The following MST1R variants were observed in gnomAD, a reference collection of about 807,000 sequenced individuals.
MST1R encodes macrophage-stimulating protein receptor.
MST1R carries 99 observed loss-of-function variants against 117.8 expected under a neutral mutation model. The observed-to-expected ratio is 0.84, with a 90% confidence interval of 0.71 to 0.99. MST1R has a LOEUF of 0.99. Ranked by LOEUF, MST1R falls within the 50% of genes least tolerant of loss-of-function variation. The probability of loss-of-function intolerance (pLI) is 0.00; values close to 1 mark genes in which losing one functional copy is unlikely to be tolerated. For missense variants in MST1R, 1,683 were observed against 1,840.2 expected, an observed-to-expected ratio of 0.91 and a Z score of 1.56; for synonymous variants, 734 against 765.3, an observed-to-expected ratio of 0.96 and a Z score of 0.68.
rs201805638 is a variant in MST1R at position 49,902,679 on chromosome 3, C to G, written c.931G>C (p.Ala311Pro). The G allele has an allele frequency of 6.2e-7, 1 of 1,612,838 alleles. No homozygotes were observed. Among genetic ancestry groups the G allele is most frequent in the Admixed American group, 1.7e-5 (1 of 60,026 alleles). The change falls in exon 1 of 20, where the codon GCC (alanine) becomes CCC (proline). Residue 311 changes from alanine (A) to proline (P), a missense_variant. By Grantham distance (27) the Ala-to-Pro change is conservative. Coordinates refer to ENST00000296474, the MANE Select transcript of MST1R (RefSeq NM_002447.4). Reference sequence around the variant, plus strand: ...GGGTAGGGCTGTCCGCCTTCTGGGGCCCCCCGGCGCCTGCGTTTTGGAGCA... The same window carrying G: ...GGGTAGGGCTGTCCGCCTTCTGGGGGCCCCCGGCGCCTGCGTTTTGGAGCA... The part of the protein sequence containing the change: ...RFAPKRRRRG[A>P]PEGGQPYPVL...
Position 49,902,377 on chromosome 3 carries a change from T to G in MST1R, c.1230+3A>C. On this transcript the variant is annotated splice_donor_region_variant and intron_variant, in intron 1 of 19. Transcript: ENST00000296474. ...CAAGTAAGGGCCCCTTCTTTCAGCT[T>G]ACCGGGTTGGGGCAAAAACTGGGCG... The G allele has an allele frequency of 6.2e-7, 1 of 1,612,378 alleles. No homozygotes were observed. The highest frequency in any genetic ancestry group is 8.5e-7 in the Non-Finnish European group (1 of 1,179,222).
Position 49,896,403 on chromosome 3 carries a change from C to T in MST1R, c.2441G>A (p.Cys814Tyr). 1.9e-6 allele frequency: 3 copies of T among 1,612,880 alleles called. No individual in the cohort carries two copies. Among genetic ancestry groups the T allele is most frequent in the Non-Finnish European group, 1.7e-6 (2 of 1,179,572 alleles). Residue 814 changes from cysteine (C) to tyrosine (Y), a missense_variant and splice_region_variant, in exon 10 of 20, where the codon TGT becomes TAT. Transcript: ENST00000296474. ...HDGLRAVESR[C>Y]ERQLPEQQLC... ...CTGCTGCTCTGGAAGCTGCCTCTCA[C>T]ACTGCTGGGACCAATATGAGAGTGA...
intron 14 of MST1R, among the ~76,000 whole-genome samples, chr3:49,894,523 G>A (rs1426716318): frequency 1.3e-5 from 2 of 152,092 alleles, no homozygotes; most frequent in East Asian, 3.9e-4. Context: ...AGCCATGATT[G>A]TGCCATTGCA....
Position 49,891,289 on chromosome 3 carries a change from G to A in MST1R, c.3552C>T (p.Asp1184=). ...RSPQRNPTVK[D]LISFGLQVAR... ...CTACCTGCAGGCCAAAGCTGATGAG[G>A]TCCTTCACGGTGGGGTTCTGGGGGC... Residue 1184 remains aspartate, a synonymous_variant, in exon 17 of 20, where the codon GAC becomes GAT. Transcript: ENST00000296474. The A allele has an allele frequency of 6.2e-7, 1 of 1,614,156 alleles. No homozygotes were observed. Among genetic ancestry groups the A allele is most frequent in the Non-Finnish European group, 8.5e-7 (1 of 1,180,032 alleles).
At chr3:49,901,939 T>C (rs937095529) in intron 1 of MST1R, among the ~76,000 whole-genome samples, 3 of 1,932 alleles carry the variant, frequency 1.6e-3, no homozygotes, top group Admixed American at 6.0e-3. Flanking sequence ...GTGGTGGTGG[T>C]GGCGGGGGTG....
At position 49,893,280 on chromosome 3, in the gene MST1R, AAAATAAATAAATAAATAAAT is replaced by A. The variant is rs59923845; in HGVS notation, c.3272-1462_3272-1443del. ...GGTGACAGAGTGAGGTTCTGTCTCA[AAAATAAATAAATAAATAAAT>A]AAATAAATAAATAAATAAATAGGCT... On this transcript the variant is annotated intron_variant, in intron 14 of 19. Transcript: ENST00000296474. Among the ~76,000 whole-genome samples the A allele has an allele frequency of 3.8e-4, 54 of 140,684 alleles. 1 individual carries two copies. Among genetic ancestry groups the A allele is most frequent in the Non-Finnish European group, 6.3e-4 (41 of 65,196 alleles). The allele number at this position is 140,684 out of a possible 152,430, so 92.3% of individuals were successfully genotyped here.
Position 49,897,269 on chromosome 3 carries a change from G to A in MST1R, c.2183+11C>T, listed in dbSNP as rs750663277. 1.3e-6 allele frequency: 2 copies of A among 1,594,496 alleles called. No individual in the cohort carries two copies. Among genetic ancestry groups the A allele is most frequent in the African/African-American group, 2.7e-5 (2 of 74,350 alleles). ...CCCTGCGGCCTCCCATGCCTGCCTG[G>A]TGGTACTTACCGTGCTAGCAGACAC... On this transcript the variant is annotated intron_variant, in intron 7 of 19. Coordinates refer to ENST00000296474, the MANE Select transcript of MST1R (RefSeq NM_002447.4).
At chr3:49,902,142 G>C (rs1240481680) in intron 1 of MST1R, among the ~76,000 whole-genome samples, 1 of 152,120 alleles carries the variant, frequency 6.6e-6, no homozygotes, top group South Asian at 2.1e-4. Flanking sequence ...GGGCAGGTAG[G>C]GGAAAGAGCA....
At position 49,897,566 on chromosome 3, in the gene MST1R, T is replaced by C. The variant is rs1424842087; in HGVS notation, c.2000A>G (p.His667Arg). 1 of 1,614,078 alleles carries C rather than the reference T, an allele frequency of 6.2e-7. No individual in the cohort carries two copies. The highest frequency in any genetic ancestry group is 1.7e-5 in the Admixed American group (1 of 60,030). ...LTVTNMPPGK[H>R]FRVDGTSVLR... ...CACGGAGGTGCCGTCTACCCGGAAG[T>C]GCTTGCCCGGTGGCATGTTAGTCAC... Residue 667 changes from histidine (H) to arginine (R), a missense_variant, in exon 6 of 20, where the codon CAC becomes CGC. Physicochemically the swap from His to Arg is conservative, Grantham distance 29. Transcript: ENST00000296474.
chr3:49,896,955 G>A (rs1188370764), intron 7 of MST1R, 65 bp from the exon 8 acceptor site: 2 of 1,437,586 alleles, frequency 1.4e-6, no homozygotes, highest in Non-Finnish European at 1.8e-6. Context: ...ACTTCTTCCA[G>A]GGGCCTGTTG....
chr3:49,899,108 T>A lies in MST1R; in HGVS notation c.1386A>T (p.Ala462=). The change falls in exon 2 of 20, where the codon GCA becomes GCT. Residue 462 remains alanine (A), a synonymous_variant. Transcript: ENST00000296474. ...TACGCCCATCCATTGTGCCCATGTG[T>A]GCCACTGTGACGTTGTCAAGGCGTG... ...YVTRLDNVTV[A]HMGTMDGRIL... 1 of 1,614,132 alleles carries A rather than the reference T, an allele frequency of 6.2e-7. No individual in the cohort carries two copies. The highest frequency in any genetic ancestry group is 1.1e-5 in the South Asian group (1 of 91,088).
At chr3:49,889,635 C>G (rs1022266894) in intron 19 of MST1R, among the ~76,000 whole-genome samples, 7 of 152,064 alleles carry the variant, frequency 4.6e-5, no homozygotes, top group African/African-American at 1.7e-4. Context: ...GAAAGCAGAC[C>G]CCGTTAGTGG....
Position 49,898,885 on chromosome 3 carries a change from G to A in MST1R, c.1530C>T (p.Leu510=). The A allele has an allele frequency of 6.2e-7, 1 of 1,614,140 alleles. No individual in the cohort carries two copies. Among genetic ancestry groups the A allele is most frequent in the Non-Finnish European group, 8.5e-7 (1 of 1,180,038 alleles). ...RDVSRLGDHL[L]FASGDQVFQV... ...ACCTCACCTGGTCCCCAGAGGCAAA[G>A]AGTAGGTGGTCCCCAAGACGACTGA... Residue 510 remains leucine, a synonymous_variant, in exon 3 of 20, where the codon CTC becomes CTT. Coordinates refer to ENST00000296474, the MANE Select transcript of MST1R (RefSeq NM_002447.4).
intron 4 of MST1R, 24 bp downstream of exon 4, chr3:49,898,494 T>A (rs761285184): frequency 6.2e-7 from 1 of 1,610,656 alleles, no homozygotes; most frequent in Non-Finnish European, 8.5e-7. Context: ...CACTCTTACC[T>A]GTGCCCTGCC....
Position 49,897,501 on chromosome 3 carries a change from CA to C in MST1R, c.2046+18del. The stretch of plus-strand genomic sequence containing the variant: ...ACCATGCACTGGCCAAGGGCACAGA[CA>C]GGGCAAGGTAGCCTCACCATGAAAG... On this transcript the variant is annotated intron_variant, in intron 6 of 19. Transcript: ENST00000296474. 6.2e-7 allele frequency: 1 copy of C among 1,611,698 alleles called. No individual in the cohort carries two copies. Among genetic ancestry groups the C allele is most frequent in the Admixed American group, 1.7e-5 (1 of 59,862 alleles).
rs201211696 is a variant in MST1R, at chr3:49,902,775, G to A, written c.835C>T (p.Arg279Cys). 10 of 1,613,920 alleles carry A rather than the reference G, an allele frequency of 6.2e-6. No individual in the cohort carries two copies. Among genetic ancestry groups the A allele is most frequent in the East Asian group, 2.2e-5 (1 of 44,856 alleles). ...VTDDPSALHTRLARLSATEPE... is the reference protein window; with the variant it reads ...VTDDPSALHTCLARLSATEPE... ...TCAGTGGCGCTAAGCCGTGCCAGGC[G>A]TGTGTGCAGGGCACTAGGATCATCT... The change falls in exon 1 of 20, where the codon CGC (arginine) becomes TGC (cysteine). Residue 279 changes from arginine (R) to cysteine (C), a missense_variant. Physicochemically the swap from Arg to Cys is radical, Grantham distance 180 (BLOSUM62 -3). Transcript: ENST00000296474.
In MST1R at chr3:49,902,934, A is replaced by G; in HGVS notation, c.676T>C (p.Ser226Pro). ...VSIRRLKADA[S>P]GFAPGFVALS... ...GCCACAAAGCCCGGTGCGAATCCCG[A>G]GGCGTCAGCCTTGAGACGCCTGATA... The change falls in exon 1 of 20, where the codon TCG becomes CCG. Residue 226 changes from serine (S) to proline (P), a missense_variant. By Grantham distance (74) the Ser-to-Pro change is moderately conservative (BLOSUM62 -1). Coordinates refer to ENST00000296474, the MANE Select transcript of MST1R (RefSeq NM_002447.4). The G allele has an allele frequency of 6.2e-7, 1 of 1,613,338 alleles. No homozygotes were observed. The highest frequency in any genetic ancestry group is 1.1e-5 in the South Asian group (1 of 91,054).
At position 49,897,381 on chromosome 3, in the gene MST1R, G is replaced by A. The variant is rs777703140; in HGVS notation, c.2082C>T (p.Gly694=). The A allele has an allele frequency of 6.2e-6, 10 of 1,613,764 alleles. No homozygotes were observed. The highest frequency in any genetic ancestry group is 1.3e-5 in the African/African-American group (1 of 74,926). The part of the protein sequence containing the change: ...PVLIAVQPLF[G]PRAGGTCLTL... ...TGAGACAGGTGCCTCCTGCCCGTGGGCCAAAGAGGGGTTGCACTGCTATCA... is the reference window on the plus strand; with the variant it reads ...TGAGACAGGTGCCTCCTGCCCGTGGACCAAAGAGGGGTTGCACTGCTATCA... The change falls in exon 7 of 20, where the codon GGC becomes GGT. Residue 694 remains glycine, a synonymous_variant. Transcript: ENST00000296474.
intron 4 of MST1R, 125 bp downstream of exon 4, chr3:49,898,393 T>C: frequency 7.3e-7 from 1 of 1,378,858 alleles, no homozygotes; most frequent in Admixed American, 2.1e-5. Context: ...CTGACAAGAA[T>C]GCCCTCCTTG....
Sources: gnomAD v4.1 joint callset for allele counts (sites outside exome capture counted in the v4.1 genomes callset) on GRCh38, gnomAD v4.1.1 for gene constraint, MANE v1.5 for transcripts, NCBI Gene and HGNC (gene_info 2026-07-23, HGNC 2026-07-21) for gene names.